The following CNTNAP2 variants were observed in gnomAD, a reference collection of about 807,000 sequenced individuals.
CNTNAP2 encodes the protein contactin associated protein 2.
CNTNAP2 carries 98 observed loss-of-function variants against 155.2 expected under a neutral mutation model. That is an observed-to-expected ratio of 0.63 (90% CI 0.54 to 0.75). The LOEUF (loss-of-function observed/expected upper bound fraction) is 0.75, where lower values mean the gene tolerates loss of function less well. Among genes scored for constraint, CNTNAP2 ranks in the 30% least tolerant of loss-of-function variants. The probability of loss-of-function intolerance (pLI) is 0.00; values close to 1 mark genes in which losing one functional copy is unlikely to be tolerated. For synonymous variants in CNTNAP2, 651 were observed against 631.2 expected, an observed-to-expected ratio of 1.03 and a Z score of -0.47; for missense variants, 1,727 against 1,688.1, an observed-to-expected ratio of 1.02 and a Z score of -0.40.
chr7:147,821,934 A>G (rs1798368715), intron 13 of CNTNAP2, among the ~76,000 whole-genome samples: 2 of 152,134 alleles, frequency 1.3e-5, no homozygotes, highest in African/African-American at 4.8e-5. Context: ...TTATTGGGGG[A>G]AAAATAACAG....
intron 21 of CNTNAP2, among the ~76,000 whole-genome samples, chr7:148,367,020 G>C (rs556568297): frequency 3.2e-4 from 49 of 152,248 alleles, no homozygotes; most frequent in Non-Finnish European, 5.7e-4. Flanking sequence ...ATCACGAGGT[G>C]AAGAGATTGA....
At chr7:148,087,796 G>A (rs962729548) in intron 15 of CNTNAP2, among the ~76,000 whole-genome samples, 1 of 152,090 alleles carries the variant, frequency 6.6e-6, no homozygotes, top group Non-Finnish European at 1.5e-5. Flanking sequence ...ATAAACAGGA[G>A]AGTTGATGGT....
chr7:147,406,441 A>G (rs1327074499), intron 10 of CNTNAP2, among the ~76,000 whole-genome samples: 1 of 152,230 alleles, frequency 6.6e-6, no homozygotes. Context: ...AGTTTTAAAA[A>G]GATGAAGTTG....
chr7:146,441,615 G>C lies in CNTNAP2; in HGVS notation c.97+324642G>C, dbSNP rs192149830. Among the ~76,000 whole-genome samples the C allele has an allele frequency of 1.8e-3, 279 of 151,536 alleles. 14 individuals are homozygous for C. Among genetic ancestry groups the C allele is most frequent in the African/African-American group, 6.7e-3 (275 of 40,872 alleles). ...TGCATTTCCTCTTGCTGATGCTCTG[G>C]AGTCTACTGAGGAAGGTCCTCTTTG... On this transcript the variant is annotated intron_variant, in intron 1 of 23. Transcript: ENST00000361727.
chr7:147,047,654 A>G (rs1019309244), intron 4 of CNTNAP2, among the ~76,000 whole-genome samples: 5 of 152,312 alleles, frequency 3.3e-5, no homozygotes, highest in Admixed American at 1.3e-4. Context: ...GAAGTTACTT[A>G]AGATCCACAG....
rs895664941 is a variant in CNTNAP2 at position 147,531,811 on chromosome 7, T to C, written c.1778-30327T>C. On this transcript the variant is annotated intron_variant, in intron 11 of 23. Transcript: ENST00000361727. Reference sequence around the variant, plus strand: ...AGAAAATGGGTTTTTCTTTTCTTTTTTTTTTTTTTTTCCGAGACAAAGTCT... The same window carrying C: ...AGAAAATGGGTTTTTCTTTTCTTTTCTTTTTTTTTTTCCGAGACAAAGTCT... Among the ~76,000 whole-genome samples the C allele has an allele frequency of 2.8e-5, 4 of 142,610 alleles. 1 individual carries two copies. The highest frequency in any genetic ancestry group is 4.4e-4 in the South Asian group (2 of 4,556). The allele number at this position is 142,610 out of a possible 152,430, so 93.6% of individuals were successfully genotyped here. A position where few individuals can be genotyped will look rare whatever the true frequency, so the allele number is the denominator to read the frequency against.
intron 11 of CNTNAP2, 41 bp downstream of exon 11, chr7:147,486,082 GA>G: frequency 6.5e-7 from 1 of 1,538,734 alleles, no homozygotes; most frequent in Non-Finnish European, 9.0e-7. Context: ...GTAATTGCAT[GA>G]GAATCTCAAG....
intron 13 of CNTNAP2, among the ~76,000 whole-genome samples, chr7:147,770,969 A>G (rs1797459614): frequency 6.6e-6 from 1 of 152,212 alleles, no homozygotes; most frequent in African/African-American, 2.4e-5. Context: ...AGAAAGAATC[A>G]TAATGAAAGT....
intron 9 of CNTNAP2, among the ~76,000 whole-genome samples, chr7:147,322,675 G>C (rs1795374966): frequency 6.9e-6 from 1 of 144,074 alleles, no homozygotes; most frequent in African/African-American, 2.6e-5. Context: ...TGTACCTCTG[G>C]TAGAATTCGG....
intron 20 of CNTNAP2, among the ~76,000 whole-genome samples, chr7:148,254,752 G>A (rs2116822049): frequency 7.0e-6 from 1 of 142,632 alleles, no homozygotes; most frequent in African/African-American, 2.6e-5. Context: ...CTTCAGCCTG[G>A]GCAACAGAGC....
chr7:147,224,248 T>G (rs1272275526), intron 8 of CNTNAP2, among the ~76,000 whole-genome samples: 1 of 152,212 alleles, frequency 6.6e-6, no homozygotes, highest in Non-Finnish European at 1.5e-5. Flanking sequence ...TCCAAGCTCC[T>G]TACATGAAGA....
intron 23 of CNTNAP2, among the ~76,000 whole-genome samples, chr7:148,413,766 C>T (rs1053409361): frequency 6.6e-6 from 1 of 152,182 alleles, no homozygotes; most frequent in South Asian, 2.1e-4. Context: ...TAGATTTATA[C>T]ACATTAGGAA....
At chr7:147,778,623 A>C (rs902962169) in intron 13 of CNTNAP2, among the ~76,000 whole-genome samples, 3 of 152,184 alleles carry the variant, frequency 2.0e-5, no homozygotes, top group Admixed American at 2.0e-4. Flanking sequence ...CTGGAAAATA[A>C]AGCTAAGCTT....
chr7:147,710,383 A>G (rs1194334311), intron 13 of CNTNAP2, among the ~76,000 whole-genome samples: 1 of 152,112 alleles, frequency 6.6e-6, no homozygotes, highest in Non-Finnish European at 1.5e-5. Flanking sequence ...CTCACAGACT[A>G]TTTACTCTAG....
intron 8 of CNTNAP2, among the ~76,000 whole-genome samples, chr7:147,183,163 A>AT (rs397890030): frequency 2.0e-5 from 3 of 151,930 alleles, no homozygotes; most frequent in Admixed American, 6.6e-5. Context: ...AAAAAAAAAA[A>AT]GGAAACATTA....
intron 12 of CNTNAP2, among the ~76,000 whole-genome samples, chr7:147,585,333 A>G (rs1384053790): frequency 6.6e-6 from 1 of 151,596 alleles, no homozygotes; most frequent in African/African-American, 2.4e-5. Flanking sequence ...TTAAAAAACA[A>G]TAAATATCAT....
intron 1 of CNTNAP2, among the ~76,000 whole-genome samples, chr7:146,552,880 T>C (rs1798142891): frequency 6.6e-6 from 1 of 152,002 alleles, no homozygotes; most frequent in South Asian, 2.1e-4. Context: ...ACTCCCTAAT[T>C]CCCTTCACTC....
intron 1 of CNTNAP2, among the ~76,000 whole-genome samples, chr7:146,292,949 A>T (rs1800455066): frequency 6.6e-6 from 1 of 152,104 alleles, no homozygotes; most frequent in African/African-American, 2.4e-5. Context: ...ATTCTTTGGG[A>T]TATATTGTAA....
intron 21 of CNTNAP2, among the ~76,000 whole-genome samples, chr7:148,375,964 C>T (rs1227871353): frequency 1.7e-5 from 1 of 59,096 alleles, no homozygotes; most frequent in Non-Finnish European, 4.6e-5. Context: ...TGCGCCACTG[C>T]ACTCCAGCCT....
Sources: gnomAD v4.1 joint callset for allele counts (sites outside exome capture counted in the v4.1 genomes callset) on GRCh38, gnomAD v4.1.1 for gene constraint, MANE v1.5 for transcripts, NCBI Gene and HGNC (gene_info 2026-07-23, HGNC 2026-07-21) for gene names.